The following NTS variants were observed in gnomAD, a reference collection of about 807,000 sequenced individuals.
NTS encodes neurotensin/neuromedin N.
Under a neutral mutation model 19.5 loss-of-function variants are expected in NTS, and 20 were observed. That is an observed-to-expected ratio of 1.02 (90% CI 0.72 to 1.49). The LOEUF is 1.49. Ranked by LOEUF, NTS falls within the 40% of genes most tolerant of loss-of-function variation. The pLI, the probability that NTS is intolerant of heterozygous loss-of-function variation, is 0.00. For missense variants in NTS, 215 were observed against 193.1 expected, an observed-to-expected ratio of 1.11 and a Z score of -0.67; for synonymous variants, 71 against 63.3, an observed-to-expected ratio of 1.12 and a Z score of -0.58.
At chr12:85,875,507 T>C (rs1881321513) in intron 1 of NTS, among the ~76,000 whole-genome samples, 1 of 152,024 alleles carries the variant, frequency 6.6e-6, no homozygotes, top group African/African-American at 2.4e-5. Context: ...TATACAAAAT[T>C]TTAAATTTAT....
rs1301948552 is a variant in NTS at position 85,874,452 on chromosome 12, T to A, written c.49T>A (p.Phe17Ile). ...GCTTGTATGCATGCTACTCCTGGCT[T>A]TCAGCTCCTGGAGTCTGTGCTCAGG... The part of the protein sequence containing the change: ...IQLVCMLLLA[F>I]SSWSLCSDSE... The change falls in exon 1 of 4, where the codon TTC becomes ATC. Residue 17 changes from phenylalanine (F) to isoleucine (I), a missense_variant. Coordinates refer to ENST00000256010, the MANE Select transcript of NTS (RefSeq NM_006183.5). 1 of 1,613,174 alleles carries A rather than the reference T, an allele frequency of 6.2e-7. No homozygotes were observed. The highest frequency in any genetic ancestry group is 1.7e-5 in the Admixed American group (1 of 60,014).
Position 85,878,326 on chromosome 12 carries a change from T to A in NTS, c.136-19T>A, listed in dbSNP as rs759992678. 11 of 1,528,404 alleles carry A rather than the reference T, an allele frequency of 7.2e-6. No individual in the cohort carries two copies. The highest frequency in any genetic ancestry group is 6.2e-6 in the Non-Finnish European group (7 of 1,128,494). 94.7% of individuals were successfully genotyped at this position (1,528,404 alleles called of 1,614,324 possible). A position where few individuals can be genotyped will look rare whatever the true frequency, so the allele number is the denominator to read the frequency against. ...GTAACACAAGTTTTAATTGCAGGGG[T>A]TTTTTTAATATATTTCAGATTAGTA... On this transcript the variant is annotated intron_variant, in intron 2 of 3. Coordinates refer to ENST00000256010, the MANE Select transcript of NTS (RefSeq NM_006183.5).
chr12:85,875,186 A>C (rs1235360502), intron 1 of NTS, among the ~76,000 whole-genome samples: 1 of 152,080 alleles, frequency 6.6e-6, no homozygotes, highest in Non-Finnish European at 1.5e-5. Flanking sequence ...AGTGTTTTGC[A>C]TGTGGTTTGA....
intron 3 of NTS, among the ~76,000 whole-genome samples, chr12:85,878,813 C>A (rs960835664): frequency 1.3e-5 from 2 of 151,848 alleles, no homozygotes; most frequent in African/African-American, 2.4e-5. Flanking sequence ...CAGATTTGAT[C>A]CACATGTTTT....
rs1881526487 is a variant in NTS, at chr12:85,882,575, T to C, written c.*200T>C. On this transcript the variant is annotated 3_prime_UTR_variant, in exon 4 of 4. Transcript: ENST00000256010. ...TCTAAATCTTCAGCATGATGTGTTG[T>C]GTATAATTGGAGTAGATATTAATTA... 2.2e-6 allele frequency: 1 copy of C among 464,268 alleles called. No individual in the cohort carries two copies. 28.8% of individuals were successfully genotyped at this position (464,268 alleles called of 1,614,324 possible).
At chr12:85,878,616 G>T (rs771906402) in intron 3 of NTS, 47 bp downstream of exon 3, 19 of 1,083,250 alleles carry the variant, frequency 1.8e-5, no homozygotes, top group Non-Finnish European at 1.8e-5. Flanking sequence ...ACACTAGTTA[G>T]CTCTCATTTA....
chr12:85,877,481 C>A (rs964221731), intron 2 of NTS, among the ~76,000 whole-genome samples: 1 of 150,910 alleles, frequency 6.6e-6, no homozygotes, highest in Non-Finnish European at 1.5e-5. Context: ...GTCTTGAAAG[C>A]CAGTTTTTAA....
Position 85,874,380 on chromosome 12 carries a change from C to T in NTS, c.-24C>T. ...TCAGTGTGCTTCTGACTTTTACGGA[C>T]TTGGCTTGTTAGAAGGCTGAAAGAT... On this transcript the variant is annotated 5_prime_UTR_variant, in exon 1 of 4. Transcript: ENST00000256010. 1.9e-6 allele frequency: 3 copies of T among 1,594,724 alleles called. No homozygotes were observed. Among genetic ancestry groups the T allele is most frequent in the Non-Finnish European group, 2.6e-6 (3 of 1,162,490 alleles).
At position 85,874,377 on chromosome 12, in the gene NTS, G is replaced by A. The variant is rs369679972; in HGVS notation, c.-27G>A. ...CCTTCAGTGTGCTTCTGACTTTTACGGACTTGGCTTGTTAGAAGGCTGAAA... is the reference window on the plus strand; with the variant it reads ...CCTTCAGTGTGCTTCTGACTTTTACAGACTTGGCTTGTTAGAAGGCTGAAA... On this transcript the variant is annotated 5_prime_UTR_variant, in exon 1 of 4. Transcript: ENST00000256010. 67 of 1,583,346 alleles carry A rather than the reference G, an allele frequency of 4.2e-5. 1 individual carries two copies. The African/African-American group carries it at 8.1e-4, about 19-fold the overall frequency.
At position 85,874,295 on chromosome 12, in the gene NTS, AT is replaced by A. The variant is rs1828027033; in HGVS notation, c.-108del. The A allele has an allele frequency of 1.3e-6, 1 of 751,466 alleles. No homozygotes were observed. Among genetic ancestry groups the A allele is most frequent in the African/African-American group, 1.7e-5 (1 of 58,328 alleles). 46.5% of individuals were successfully genotyped at this position (751,466 alleles called of 1,614,324 possible). On this transcript the variant is annotated 5_prime_UTR_variant, in exon 1 of 4. Transcript: ENST00000256010. Reference sequence around the variant, plus strand: ...TAGGGGAATGGCCAGAGCACCTCTCATAGTTCACTCACTTTCAAAGCCAGCT... The same window carrying A: ...TAGGGGAATGGCCAGAGCACCTCTCAAGTTCACTCACTTTCAAAGCCAGCT...
At chr12:85,879,885 T>A in intron 3 of NTS, among the ~76,000 whole-genome samples, 1 of 146,508 alleles carries the variant, frequency 6.8e-6, no homozygotes, top group African/African-American at 2.5e-5. Flanking sequence ...ATAAATAAAA[T>A]ATATAAAAAT....
At chr12:85,880,528 G>T (rs1231460946) in intron 3 of NTS, among the ~76,000 whole-genome samples, 4 of 152,110 alleles carry the variant, frequency 2.6e-5, no homozygotes, top group Non-Finnish European at 5.9e-5. Context: ...AAGAAGAAGT[G>T]CAGGCAGAAT....
At chr12:85,877,230 T>A (rs940781287) in intron 2 of NTS, among the ~76,000 whole-genome samples, 2 of 152,080 alleles carry the variant, frequency 1.3e-5, no homozygotes, top group African/African-American at 4.8e-5. Flanking sequence ...GCAAGTGGAT[T>A]AGTTCACCTT....
chr12:85,881,296 A>G (rs1881496730), intron 3 of NTS, among the ~76,000 whole-genome samples: 1 of 152,176 alleles, frequency 6.6e-6, no homozygotes, highest in South Asian at 2.1e-4. Flanking sequence ...ATTCATATGC[A>G]TTGCAATTTA....
Position 85,878,478 on chromosome 12 carries a change from C to T in NTS, c.269C>T (p.Pro90Leu), listed in dbSNP as rs757368430. The T allele has an allele frequency of 1.9e-6, 3 of 1,613,874 alleles. No homozygotes were observed. In the South Asian group the frequency reaches 3.3e-5, roughly 18 times the overall value. Reference protein sequence around the residue: ...EEELVARRKLPTALDGFSLEA... With the variant: ...EEELVARRKLLTALDGFSLEA... Reference sequence around the variant, plus strand: ...GAGCTTGTTGCAAGAAGGAAACTTCCTACTGCTTTAGATGGCTTTAGCTTG... The same window carrying T: ...GAGCTTGTTGCAAGAAGGAAACTTCTTACTGCTTTAGATGGCTTTAGCTTG... The change falls in exon 3 of 4, where the codon CCT (proline) becomes CTT (leucine). Residue 90 changes from proline (P) to leucine (L), a missense_variant. Physicochemically the swap from Pro to Leu is moderately conservative, Grantham distance 98. Transcript: ENST00000256010.
At position 85,878,375 on chromosome 12, in the gene NTS, A is replaced by G. The variant is rs780920458; in HGVS notation, c.166A>G (p.Met56Val). ...TAAAGCACATGTTCCCTCTTGGAAG[A>G]TGACTCTGCTAAATGTTTGCAGTCT... is the stretch of plus-strand genomic sequence containing the variant. ...ISKAHVPSWK[M>V]TLLNVCSLVN... The change falls in exon 3 of 4, where the codon ATG (methionine) becomes GTG (valine). Residue 56 changes from methionine to valine, a missense_variant. Physicochemically the swap from Met to Val is conservative, Grantham distance 21. Coordinates refer to ENST00000256010, the MANE Select transcript of NTS (RefSeq NM_006183.5). The G allele has an allele frequency of 2.0e-5, 33 of 1,610,134 alleles. No individual in the cohort carries two copies. The highest frequency in any genetic ancestry group is 1.7e-6 in the Non-Finnish European group (2 of 1,177,578).
At chr12:85,878,704 A>C in intron 3 of NTS, 135 bp downstream of exon 3, 1 of 500,844 alleles carries the variant, frequency 2.0e-6, no homozygotes, top group East Asian at 3.3e-5. Context: ...CCATGTTTTG[A>C]AGTCAACATT....
chr12:85,882,348 A>G lies in NTS; in HGVS notation c.486A>G (p.Ile162Met), dbSNP rs1166253320. The G allele has an allele frequency of 3.8e-6, 6 of 1,585,818 alleles. No homozygotes were observed. The South Asian group carries it at 4.7e-5, about 12-fold the overall frequency. Residue 162 changes from isoleucine (I) to methionine (M), a missense_variant, in exon 4 of 4, where the codon ATA (isoleucine) becomes ATG (methionine). Transcript: ENST00000256010. ...AGAATAAACCCAGAAGACCCTACAT[A>G]CTCAAAAGAGATTCTTACTATTACT... ...LYENKPRRPY[I>M]LKRDSYYY
Position 85,878,442 on chromosome 12 carries a change from T to C in NTS, c.233T>C (p.Val78Ala). The change falls in exon 3 of 4, where the codon GTT becomes GCT. Residue 78 changes from valine to alanine, a missense_variant. By Grantham distance (64) the Val-to-Ala change is moderately conservative. Transcript: ENST00000256010. ...LNSPAEETGEVHEEELVARRK... is the reference protein window; with the variant it reads ...LNSPAEETGEAHEEELVARRK... ...AGCCCAGCTGAGGAAACAGGAGAAG[T>C]TCATGAAGAGGAGCTTGTTGCAAGA... 1 of 1,613,776 alleles carries C rather than the reference T, an allele frequency of 6.2e-7. No individual in the cohort carries two copies. The highest frequency in any genetic ancestry group is 1.1e-5 in the South Asian group (1 of 91,058).
Sources: allele counts gnomAD v4.1 joint callset (sites outside exome capture counted in the v4.1 genomes callset), GRCh38; gene constraint gnomAD v4.1.1; transcripts MANE v1.5; gene names NCBI Gene and HGNC (gene_info 2026-07-23, HGNC 2026-07-21).